FSIP2: variants seen among roughly 807,000 people sequenced by gnomAD.
The protein encoded by FSIP2 is fibrous sheath-interacting protein 2.
Under a neutral mutation model 510.5 loss-of-function variants are expected in FSIP2, and 367 were observed. The ratio of observed to expected loss-of-function variants is 0.72; its 90% CI spans 0.66 to 0.78. The LOEUF is 0.78. Among genes scored for constraint, FSIP2 ranks in the 30% least tolerant of loss-of-function variants. The probability of loss-of-function intolerance (pLI) is 0.00; values close to 1 mark genes in which losing one functional copy is unlikely to be tolerated. For synonymous variants in FSIP2, 2,601 were observed against 2,732.2 expected, an observed-to-expected ratio of 0.95 and a Z score of 1.50; for missense variants, 7,594 against 7,901.7, an observed-to-expected ratio of 0.96 and a Z score of 1.48.
chr2:185,757,422 C>T (rs1434254698), intron 9 of FSIP2, among the ~76,000 whole-genome samples: 1 of 151,340 alleles, frequency 6.6e-6, no homozygotes, highest in Non-Finnish European at 1.5e-5. Flanking sequence ...TAATGTGATT[C>T]ATATCAGAAT....
At chr2:185,742,516 A>T (rs1691943389) in intron 2 of FSIP2, among the ~76,000 whole-genome samples, 1 of 152,196 alleles carries the variant, frequency 6.6e-6, no homozygotes, top group African/African-American at 2.4e-5. Flanking sequence ...TAATAAGGTG[A>T]ACTGCATAAT....
In FSIP2 at chr2:185,806,260, T is replaced by C. The variant is rs754383164; in HGVS notation, c.16954T>C (p.Ser5652Pro). ...TACTTTGGAAATAAGAATTCGAACATCAAGCAATGAGGGGAGAAGAGACTC... is the reference window on the plus strand; with the variant it reads ...TACTTTGGAAATAAGAATTCGAACACCAAGCAATGAGGGGAGAAGAGACTC... ...TDTLEIRIRT[S>P]SNEGRRDSPT... The change falls in exon 17 of 23, where the codon TCA becomes CCA. Residue 5652 changes from serine (S) to proline (P), a missense_variant. Coordinates refer to ENST00000424728, the MANE Select transcript of FSIP2 (RefSeq NM_173651.4). 1 of 1,610,124 alleles carries C rather than the reference T, an allele frequency of 6.2e-7. No homozygotes were observed. The highest frequency in any genetic ancestry group is 2.2e-5 in the East Asian group (1 of 44,638).
intron 8 of FSIP2, among the ~76,000 whole-genome samples, chr2:185,755,158 C>T (rs1574157308): frequency 6.6e-6 from 1 of 151,642 alleles, no homozygotes; most frequent in African/African-American, 2.4e-5. Flanking sequence ...GGTCCCTTTT[C>T]TGTGAATCTC....
chr2:185,805,327 C>G lies in FSIP2; in HGVS notation c.16021C>G (p.Pro5341Ala). 4 of 1,597,494 alleles carry G rather than the reference C, an allele frequency of 2.5e-6. No homozygotes were observed. Among genetic ancestry groups the G allele is most frequent in the Non-Finnish European group, 3.4e-6 (4 of 1,173,946 alleles). The part of the protein sequence containing the change: ...LPNAEKMFSF[P>A]PIDKETVDKI... ...AAATGCTGAAAAAATGTTTTCTTTT[C>G]CACCAATTGATAAAGAGACAGTTGA... Residue 5341 changes from proline to alanine, a missense_variant, in exon 17 of 23, where the codon CCA (proline) becomes GCA (alanine). Transcript: ENST00000424728.
intron 22 of FSIP2, among the ~76,000 whole-genome samples, chr2:185,832,251 C>T (rs575396836): frequency 2.0e-5 from 3 of 152,020 alleles, no homozygotes; most frequent in African/African-American, 7.2e-5. Flanking sequence ...CATGCAACAT[C>T]ATCATTGTCT....
Position 185,792,453 on chromosome 2 carries a change from C to T in FSIP2, c.5317C>T (p.His1773Tyr). The T allele has an allele frequency of 3.9e-6, 6 of 1,531,296 alleles. No homozygotes were observed. The highest frequency in any genetic ancestry group is 5.2e-6 in the Non-Finnish European group (6 of 1,143,024). The allele number at this position is 1,531,296 out of a possible 1,614,324, so 94.9% of individuals were successfully genotyped here. Residue 1773 changes from histidine to tyrosine, a missense_variant, in exon 16 of 23, where the codon CAT becomes TAT. By Grantham distance (83) the His-to-Tyr change is moderately conservative. Coordinates refer to ENST00000424728, the MANE Select transcript of FSIP2 (RefSeq NM_173651.4). ...AATTGAAGTAAAACTCAAAGAACCACATATATCTCCAATTGCTCCCATTAT... is the reference window on the plus strand; with the variant it reads ...AATTGAAGTAAAACTCAAAGAACCATATATATCTCCAATTGCTCCCATTAT... ...NKIEVKLKEP[H>Y]ISPIAPIIRN...
chr2:185,762,936 A>G (rs1450441828), intron 11 of FSIP2, among the ~76,000 whole-genome samples: 2 of 151,490 alleles, frequency 1.3e-5, no homozygotes, highest in African/African-American at 4.8e-5. Context: ...TAAAACATTA[A>G]ATAAGGATTT....
chr2:185,782,224 T>C (rs940536872), intron 13 of FSIP2, among the ~76,000 whole-genome samples: 1 of 152,178 alleles, frequency 6.6e-6, no homozygotes, highest in Non-Finnish European at 1.5e-5. Context: ...ACATAATTAC[T>C]GTGTAGCATG....
At chr2:185,752,048 C>T in intron 7 of FSIP2, among the ~76,000 whole-genome samples, 1 of 150,276 alleles carries the variant, frequency 6.7e-6, no homozygotes, top group Non-Finnish European at 1.5e-5. Flanking sequence ...TTTGTATACC[C>T]ATATTTTCAT....
At chr2:185,766,028 C>T (rs1692469534) in intron 13 of FSIP2, 1 of 151,578 alleles carries the variant, frequency 6.6e-6, no homozygotes. Context: ...TGCTTATCAG[C>T]TTAAGGAGAT....
chr2:185,797,557 G>A (rs1231709389), intron 16 of FSIP2, 31 bp downstream of exon 16: 2 of 1,468,182 alleles, frequency 1.4e-6, no homozygotes, highest in Admixed American at 5.5e-5. Context: ...CTAAAAATTT[G>A]CATGATTTAG....
intron 12 of FSIP2, among the ~76,000 whole-genome samples, chr2:185,763,795 A>G (rs765751529): frequency 6.6e-6 from 1 of 151,614 alleles, no homozygotes; most frequent in Non-Finnish European, 1.5e-5. Context: ...ATTATTTCCA[A>G]AAGAATTCTT....
Position 185,804,620 on chromosome 2 carries a change from C to T in FSIP2, c.15314C>T (p.Ala5105Val), listed in dbSNP as rs1477711145. The T allele has an allele frequency of 5.2e-6, 8 of 1,533,090 alleles. No homozygotes were observed. In the Admixed American group the frequency reaches 1.2e-4, roughly 23 times the overall value. The allele number at this position is 1,533,090 out of a possible 1,614,324, so 95.0% of individuals were successfully genotyped here. The change falls in exon 17 of 23, where the codon GCC becomes GTC. Residue 5105 changes from alanine (A) to valine (V), a missense_variant. Physicochemically the swap from Ala to Val is moderately conservative, Grantham distance 64 (BLOSUM62 0). Coordinates refer to ENST00000424728, the MANE Select transcript of FSIP2 (RefSeq NM_173651.4). ...AACATAATCACAAAGGATAGCCATG[C>T]CTTGCCACCATATATTACTGTGTTG... Reference protein sequence around the residue: ...VLNIITKDSHALPPYITVLPH... With the variant: ...VLNIITKDSHVLPPYITVLPH...
intron 19 of FSIP2, among the ~76,000 whole-genome samples, chr2:185,818,663 T>C (rs952176988): frequency 2.4e-4 from 36 of 151,866 alleles, no homozygotes; most frequent in African/African-American, 8.7e-4. Context: ...TGAGATGATA[T>C]ATTTAAAGGA....
chr2:185,777,492 A>T (rs1224136240), intron 13 of FSIP2, among the ~76,000 whole-genome samples: 1 of 150,594 alleles, frequency 6.6e-6, no homozygotes, highest in Admixed American at 6.6e-5. Context: ...TTTCTTAATT[A>T]AAAAAAAGTT....
rs918151296 is a variant in FSIP2 at position 185,756,224 on chromosome 2, G to T, written c.1024G>T (p.Asp342Tyr). Reference protein sequence around the residue: ...SPKNKKKTSEDIMLVYPAGDQ... With the variant: ...SPKNKKKTSEYIMLVYPAGDQ... Reference sequence around the variant, plus strand: ...AAAGAATAAAAAGAAGACTTCTGAAGATATAATGTTAGTTTATCCTGCTGG... The same window carrying T: ...AAAGAATAAAAAGAAGACTTCTGAATATATAATGTTAGTTTATCCTGCTGG... The change falls in exon 9 of 23, where the codon GAT (aspartate) becomes TAT (tyrosine). Residue 342 changes from aspartate (D) to tyrosine (Y), a missense_variant. Transcript: ENST00000424728. The T allele has an allele frequency of 4.5e-6, 6 of 1,331,758 alleles. No individual in the cohort carries two copies. The highest frequency in any genetic ancestry group is 4.5e-5 in the Admixed American group (2 of 44,432). 82.5% of individuals were successfully genotyped at this position (1,331,758 alleles called of 1,614,324 possible).
In FSIP2 at chr2:185,833,173, T is replaced by C; in HGVS notation, c.20671T>C (p.Cys6891Arg). Residue 6891 changes from cysteine to arginine, a missense_variant, in exon 23 of 23, where the codon TGT becomes CGT. Physicochemically the swap from Cys to Arg is radical, Grantham distance 180. Coordinates refer to ENST00000424728, the MANE Select transcript of FSIP2 (RefSeq NM_173651.4). ...SSTLSKVFSQ[C>R]NTNISRSSSP... ...AACTTTGTCAAAGGTGTTTTCTCAA[T>C]GTAACACCAATATTTCCAGATCTTC... 2 of 1,610,202 alleles carry C rather than the reference T, an allele frequency of 1.2e-6. No individual in the cohort carries two copies. The highest frequency in any genetic ancestry group is 8.5e-7 in the Non-Finnish European group (1 of 1,177,134).
rs897409896 is a variant in FSIP2, at chr2:185,796,943, C to T, written c.9807C>T (p.Phe3269=). The T allele has an allele frequency of 2.4e-5, 37 of 1,534,784 alleles. No individual in the cohort carries two copies. In the African/African-American group the frequency reaches 4.0e-4, roughly 17 times the overall value. The change falls in exon 16 of 23, where the codon TTC becomes TTT. Residue 3269 remains phenylalanine, a synonymous_variant. Coordinates refer to ENST00000424728, the MANE Select transcript of FSIP2 (RefSeq NM_173651.4). ...ATAGCTACCTCCCTGAAGGCAGTTT[C>T]TTACAAAAGCTGCTTAGGAAAGCAA... ...KGNSYLPEGS[F]LQKLLRKASD...
intron 14 of FSIP2, among the ~76,000 whole-genome samples, chr2:185,783,021 T>G (rs1231639627): frequency 6.6e-6 from 1 of 152,176 alleles, no homozygotes; most frequent in Non-Finnish European, 1.5e-5. Context: ...TGTATCCGCA[T>G]CATAGCCTTC....
Sources: allele counts gnomAD v4.1 joint callset (sites outside exome capture counted in the v4.1 genomes callset), GRCh38; gene constraint gnomAD v4.1.1; transcripts MANE v1.5; gene names NCBI Gene and HGNC (gene_info 2026-07-23, HGNC 2026-07-21).